CNOT1: variants seen among roughly 807,000 people sequenced by gnomAD.
CNOT1 encodes CCR4-associated factor 1.
A neutral mutation model predicts 273.8 loss-of-function variants in CNOT1; 15 were observed. The ratio of observed to expected loss-of-function variants is 0.05; its 90% CI spans 0.04 to 0.08. CNOT1 has a LOEUF of 0.08. Among genes scored for constraint, CNOT1 ranks in the 10% least tolerant of loss-of-function variants. CNOT1 has a pLI of 1.00. For missense variants in CNOT1, 1,644 were observed against 2,912.2 expected, an observed-to-expected ratio of 0.56 and a Z score of 10.02; for synonymous variants, 1,022 against 1,005.5, an observed-to-expected ratio of 1.02 and a Z score of -0.31.
At chr16:58,588,031 G>A (rs1002678617) in intron 3 of CNOT1, among the ~76,000 whole-genome samples, 153 bp from the exon 4 acceptor site, 30 of 152,206 alleles carry the variant, frequency 2.0e-4, no homozygotes, top group African/African-American at 6.0e-4. Flanking sequence ...AGGTGCGGTG[G>A]TTGACAACCG....
intron 38 of CNOT1, 51 bp from the exon 39 acceptor site, chr16:58,537,271 TAC>T: frequency 1.3e-6 from 2 of 1,532,998 alleles, no homozygotes; most frequent in Non-Finnish European, 1.8e-6. Context: ...GTTGTGATTT[TAC>T]AGACATACGC....
chr16:58,621,835 C>T (rs547227497), intron 1 of CNOT1, among the ~76,000 whole-genome samples: 9 of 144,102 alleles, frequency 6.2e-5, no homozygotes, highest in Admixed American at 5.0e-4. Context: ...GGCATGAACC[C>T]GGGAGGCGGA....
In CNOT1 at chr16:58,532,346, T is replaced by C. The variant is rs1165016739; in HGVS notation, c.5945A>G (p.Gln1982Arg). ...GVLLQDHDVR[Q>R]SEFQQLPYHR... ...GTAGGGAAGTTGCTGAAATTCACTC[T>C]GACGAACATCATGATCCTGAAGGAG... Residue 1982 changes from glutamine to arginine, a missense_variant, in exon 41 of 49, where the codon CAG (glutamine) becomes CGG (arginine). Gln to Arg is a conservative substitution (Grantham distance 43). Around this residue, in one of 13 missense-constraint regions of CNOT1, gnomAD observed 133 missense variants for 328.2 expected, o/e 0.41. Transcript: ENST00000317147. 1.2e-6 allele frequency: 2 copies of C among 1,614,068 alleles called. No individual in the cohort carries two copies. Among genetic ancestry groups the C allele is most frequent in the Non-Finnish European group, 1.7e-6 (2 of 1,180,030 alleles).
At chr16:58,572,863 G>A (rs1372729511) in intron 16 of CNOT1, among the ~76,000 whole-genome samples, 96 of 142,918 alleles carry the variant, frequency 6.7e-4, no homozygotes, top group South Asian at 2.2e-4. Context: ...AGCCAAGATC[G>A]CACCACTGCA....
intron 34 of CNOT1, among the ~76,000 whole-genome samples, chr16:58,540,843 A>T (rs937099878): frequency 6.6e-6 from 1 of 152,212 alleles, no homozygotes; most frequent in African/African-American, 2.4e-5. Context: ...GTTCGGGGGA[A>T]AATATTTTTC....
intron 16 of CNOT1, among the ~76,000 whole-genome samples, chr16:58,572,775 G>T (rs901382253): frequency 1.3e-5 from 2 of 151,584 alleles, no homozygotes; most frequent in African/African-American, 4.8e-5. Flanking sequence ...GGGAGGGGTG[G>T]CATGTCTCTA....
At position 58,520,169 on chromosome 16, in the gene CNOT1, C is replaced by A. The variant is rs1334714384; in HGVS notation, c.*789G>T. ...CATTCAGTGGGGTAATGGGGGAGAA[C>A]AATTAATTAATGAGATTTGGTTCCC... On this transcript the variant is annotated 3_prime_UTR_variant, in exon 49 of 49. Coordinates refer to ENST00000317147, the MANE Select transcript of CNOT1 (RefSeq NM_016284.5). 1.3e-5 allele frequency: 2 copies of A among 151,638 alleles called. No individual in the cohort carries two copies. The highest frequency in any genetic ancestry group is 4.9e-5 in the African/African-American group (2 of 41,224). 9.4% of individuals were successfully genotyped at this position (151,638 alleles called of 1,614,324 possible). A position where few individuals can be genotyped will look rare whatever the true frequency, so the allele number is the denominator to read the frequency against.
Position 58,532,324 on chromosome 16 carries a change from G to C in CNOT1, c.5967C>G (p.Pro1989=). The C allele has an allele frequency of 4.3e-6, 7 of 1,614,198 alleles. No individual in the cohort carries two copies. Among genetic ancestry groups the C allele is most frequent in the East Asian group, 2.2e-5 (1 of 44,880 alleles). Residue 1989 remains proline (P), a synonymous_variant, in exon 41 of 49, where the codon CCC becomes CCG. Transcript: ENST00000317147. The stretch of plus-strand genomic sequence containing the variant: ...GAAGCATGATAAAAATTCGATGGTA[G>C]GGAAGTTGCTGAAATTCACTCTGAC... The part of the protein sequence containing the change: ...DVRQSEFQQL[P]YHRIFIMLLL...
At chr16:58,598,755 A>G (rs1394513200) in intron 2 of CNOT1, among the ~76,000 whole-genome samples, 2 of 152,148 alleles carry the variant, frequency 1.3e-5, no homozygotes, top group Non-Finnish European at 2.9e-5. Context: ...AAAAGCTGTG[A>G]AAAATCTTTT....
chr16:58,522,767 G>A (rs1555492850), intron 47 of CNOT1, among the ~76,000 whole-genome samples: 1 of 152,202 alleles, frequency 6.6e-6, no homozygotes, highest in Non-Finnish European at 1.5e-5. Context: ...CCACCTCAGA[G>A]AAACTCCTGA....
chr16:58,582,344 C>T (rs963792134), intron 10 of CNOT1, among the ~76,000 whole-genome samples: 2 of 152,088 alleles, frequency 1.3e-5, no homozygotes, highest in Non-Finnish European at 2.9e-5. Flanking sequence ...CAATGGCTCA[C>T]GCTTGTAATC....
chr16:58,601,146 G>A (rs1243894051), intron 1 of CNOT1, among the ~76,000 whole-genome samples: 2 of 152,180 alleles, frequency 1.3e-5, no homozygotes, highest in Non-Finnish European at 2.9e-5. Context: ...AGTAAAGAAG[G>A]GGTTTCGCCA....
intron 1 of CNOT1, among the ~76,000 whole-genome samples, chr16:58,601,891 A>C (rs907998108): frequency 1.3e-5 from 2 of 151,412 alleles, no homozygotes; most frequent in African/African-American, 4.8e-5. Context: ...AAAAAAGTAA[A>C]ATATTTTTAA....
intron 27 of CNOT1, 71 bp from the exon 28 acceptor site, chr16:58,546,820 A>G (rs2040270546): frequency 4.4e-6 from 7 of 1,589,170 alleles, no homozygotes; most frequent in Non-Finnish European, 6.0e-6. Flanking sequence ...AAACAATTCA[A>G]TACAACATAA....
intron 1 of CNOT1, among the ~76,000 whole-genome samples, chr16:58,603,559 G>T (rs1304506223): frequency 2.6e-5 from 4 of 151,662 alleles, no homozygotes. Context: ...ACAAACAATG[G>T]TTAGGTTAAG....
At chr16:58,543,362 A>T (rs999334143) in intron 31 of CNOT1, 2 of 1,547,646 alleles carry the variant, frequency 1.3e-6, no homozygotes, top group African/African-American at 2.7e-5. Context: ...TAAACCAACA[A>T]ATATTTGGGT....
At chr16:58,577,900 T>C (rs529501130) in intron 13 of CNOT1, among the ~76,000 whole-genome samples, 2 of 151,666 alleles carry the variant, frequency 1.3e-5, no homozygotes, top group South Asian at 4.2e-4. Flanking sequence ...AAAGAATACT[T>C]ACTTGCCAAA....
intron 44 of CNOT1, chr16:58,528,061 C>T (rs1165046076): frequency 3.7e-5 from 16 of 431,664 alleles, no homozygotes; most frequent in South Asian, 1.2e-4. Context: ...TGCAGTAAGC[C>T]GAGACTGCAC....
At chr16:58,524,902 C>CT (rs969949970) in intron 46 of CNOT1, among the ~76,000 whole-genome samples, 1 of 152,166 alleles carries the variant, frequency 6.6e-6, no homozygotes, top group Non-Finnish European at 1.5e-5. Flanking sequence ...TTTAAAGGGA[C>CT]TTTAAGTTTA....
Sources: gnomAD v4.1 joint callset for allele counts (sites outside exome capture counted in the v4.1 genomes callset) on GRCh38, gnomAD v4.1.1 for gene constraint, gnomAD v4.1.1 regional missense constraint, MANE v1.5 for transcripts, NCBI Gene and HGNC (gene_info 2026-07-23, HGNC 2026-07-21) for gene names.